DNAH9: variants seen among roughly 807,000 people sequenced by gnomAD.
DNAH9 encodes the protein DNAH9 variant protein.
In DNAH9, 345 loss-of-function variants were observed where a neutral mutation model predicts 471.6. That is an observed-to-expected ratio of 0.73 (90% CI 0.67 to 0.80). DNAH9 has a LOEUF of 0.80. Among genes scored for constraint, DNAH9 ranks in the 30% least tolerant of loss-of-function variants. DNAH9 has a pLI of 0.00. For missense variants in DNAH9, 5,407 were observed against 5,609.2 expected (o/e 0.96, Z 1.15); for synonymous variants, 2,093 against 2,123.6 (o/e 0.99, Z 0.40).
intron 59 of DNAH9, among the ~76,000 whole-genome samples, chr17:11,899,561 T>G (rs553423567): frequency 6.6e-6 from 1 of 152,350 alleles, no homozygotes; most frequent in South Asian, 2.1e-4. Context: ...GATTAAATGT[T>G]GCAATTGTAT....
At chr17:11,653,268 C>G (rs2150704455) in intron 14 of DNAH9, among the ~76,000 whole-genome samples, 1 of 152,302 alleles carries the variant, frequency 6.6e-6, no homozygotes, top group South Asian at 2.1e-4. Flanking sequence ...CACCTACCCC[C>G]AAGGGAACAG....
At chr17:11,931,917 A>G in intron 63 of DNAH9, 97 bp from the exon 64 acceptor site, 1 of 1,390,530 alleles carries the variant, frequency 7.2e-7, no homozygotes, top group Non-Finnish European at 1.0e-6. Context: ...ATATATGGTA[A>G]TGTTTTCCAA....
chr17:11,838,222 A>G (rs956374225), intron 49 of DNAH9, among the ~76,000 whole-genome samples: 5 of 152,200 alleles, frequency 3.3e-5, no homozygotes, highest in Non-Finnish European at 2.9e-5. Flanking sequence ...AAGTAGCAGC[A>G]TAAGCATGTT....
Position 11,625,397 on chromosome 17 carries a change from G to C in DNAH9, c.1351-4020G>C, listed in dbSNP as rs146393244. Among the ~76,000 whole-genome samples the C allele has an allele frequency of 4.7e-3, 712 of 152,248 alleles. 8 individuals carry two copies. The highest frequency in any genetic ancestry group is 0.016 in the African/African-American group (668 of 41,538). On this transcript the variant is annotated intron_variant, in intron 6 of 68. Coordinates refer to ENST00000262442, the MANE Select transcript of DNAH9 (RefSeq NM_001372.4). ...CTGCAGCCTCCTTTCATTCTGAGCC[G>C]AATTGGGTATCTTCCCTTTTAGCCC...
chr17:11,942,965 G>A (rs560099329), intron 67 of DNAH9, among the ~76,000 whole-genome samples: 4 of 145,014 alleles, frequency 2.8e-5, no homozygotes, highest in African/African-American at 7.7e-5. Context: ...GTGTGATCTC[G>A]GCTCACTGCA....
intron 16 of DNAH9, 33 bp from the exon 17 acceptor site, chr17:11,669,337 T>G: frequency 6.2e-7 from 1 of 1,600,704 alleles, no homozygotes; most frequent in Non-Finnish European, 8.5e-7. Flanking sequence ...CACACACTGG[T>G]GTAACCTGCC....
chr17:11,683,167 TTTTTGTTTTG>T (rs909672808), intron 19 of DNAH9, among the ~76,000 whole-genome samples: 2 of 152,098 alleles, frequency 1.3e-5, no homozygotes, highest in Non-Finnish European at 2.9e-5. Flanking sequence ...AGTCTCTCTC[TTTTTGTTTTG>T]TTTTGTTTTG....
chr17:11,854,459 A>C (rs749831016), intron 50 of DNAH9, 31 bp downstream of exon 50: 28 of 1,582,446 alleles, frequency 1.8e-5, no homozygotes, highest in Non-Finnish European at 2.3e-5. Flanking sequence ...TCACCCTGCT[A>C]GTCCGCCTCC....
chr17:11,853,318 C>T (rs1402743592), intron 49 of DNAH9: 1 of 152,330 alleles, frequency 6.6e-6, no homozygotes, highest in African/African-American at 2.4e-5. Context: ...ATTTTATGTA[C>T]AGAGTAGCGA....
At chr17:11,664,058 C>G (rs2073823300) in intron 14 of DNAH9, among the ~76,000 whole-genome samples, 1 of 152,096 alleles carries the variant, frequency 6.6e-6, no homozygotes, top group Non-Finnish European at 1.5e-5. Context: ...CAAGTTAGTT[C>G]CTGATTTTTC....
intron 38 of DNAH9, among the ~76,000 whole-genome samples, chr17:11,777,332 T>C (rs973758827): frequency 2.0e-5 from 3 of 152,242 alleles, no homozygotes; most frequent in Admixed American, 2.0e-4. Context: ...TTCTGTATTG[T>C]TTAGCAATCC....
At position 11,781,300 on chromosome 17, in the gene DNAH9, T is replaced by C. The variant is rs374933233; in HGVS notation, c.7718+126T>C. On this transcript the variant is annotated intron_variant, in intron 39 of 68. Coordinates refer to ENST00000262442, the MANE Select transcript of DNAH9 (RefSeq NM_001372.4). ...CTCTGGTGCCAGATGGGAATCTTTG[T>C]GGTAAACCACATTTCTCATTCAATT... The C allele has an allele frequency of 1.3e-4, 137 of 1,022,086 alleles. 1 individual carries two copies. Among genetic ancestry groups the C allele is most frequent in the Non-Finnish European group, 1.8e-4 (133 of 731,434 alleles). 63.3% of individuals were successfully genotyped at this position (1,022,086 alleles called of 1,614,324 possible).
intron 32 of DNAH9, among the ~76,000 whole-genome samples, chr17:11,748,596 A>G (rs536168513): frequency 1.3e-5 from 2 of 152,272 alleles, no homozygotes; most frequent in South Asian, 4.2e-4. Flanking sequence ...ATGATTATCC[A>G]TTCAATCTCA....
Position 11,692,866 on chromosome 17 carries a change from A to G in DNAH9, c.4615-1002A>G, listed in dbSNP as rs114937342. 2.5e-3 allele frequency among the ~76,000 whole-genome samples: 383 copies of G among 152,226 alleles called. 1 individual carries two copies. The highest frequency in any genetic ancestry group is 9.1e-3 in the African/African-American group (376 of 41,526). Reference sequence around the variant, plus strand: ...TTTTTGGTTTTGGAAAATATACTTAAGTATTTTATTTATGCTGACATAATG... The same window carrying G: ...TTTTTGGTTTTGGAAAATATACTTAGGTATTTTATTTATGCTGACATAATG... On this transcript the variant is annotated intron_variant, in intron 20 of 68. Coordinates refer to ENST00000262442, the MANE Select transcript of DNAH9 (RefSeq NM_001372.4).
At chr17:11,788,805 A>G (rs959381789) in intron 41 of DNAH9, among the ~76,000 whole-genome samples, 2 of 152,128 alleles carry the variant, frequency 1.3e-5, no homozygotes, top group Admixed American at 1.3e-4. Context: ...TAGCATTTTG[A>G]CACAGTCGTG....
Position 11,608,242 on chromosome 17 carries a change from T to G in DNAH9, c.531T>G (p.Leu177=). The change falls in exon 2 of 69, where the codon CTT becomes CTG. Residue 177 remains leucine, a synonymous_variant. Coordinates refer to ENST00000262442, the MANE Select transcript of DNAH9 (RefSeq NM_001372.4). ...TCCAATGTGACCTCTCAGTTATACT[T>G]GAGCAAGTGAAGGGAAAAACTTTGC... is the stretch of plus-strand genomic sequence containing the variant. The part of the protein sequence containing the change: ...HSLQCDLSVI[L]EQVKGKTLLP... 2 of 1,614,040 alleles carry G rather than the reference T, an allele frequency of 1.2e-6. No individual in the cohort carries two copies. Among genetic ancestry groups the G allele is most frequent in the Non-Finnish European group, 1.7e-6 (2 of 1,179,924 alleles).
At chr17:11,647,392 C>G (rs2073415628) in intron 12 of DNAH9, among the ~76,000 whole-genome samples, 194 bp downstream of exon 12, 1 of 152,182 alleles carries the variant, frequency 6.6e-6, no homozygotes, top group African/African-American at 2.4e-5. Context: ...CCTACCTCAG[C>G]CTCCCAGCAC....
At chr17:11,609,760 G>A (rs2072590569) in intron 2 of DNAH9, among the ~76,000 whole-genome samples, 1 of 152,142 alleles carries the variant, frequency 6.6e-6, no homozygotes. Flanking sequence ...GTTGTATGAG[G>A]GGAAAAGTTT....
At chr17:11,868,267 G>T (rs1037319671) in intron 50 of DNAH9, among the ~76,000 whole-genome samples, 11 of 152,248 alleles carry the variant, frequency 7.2e-5, no homozygotes, top group Admixed American at 2.6e-4. Flanking sequence ...TTTTTAAACT[G>T]CTTGGATGTT....
Sources: gnomAD v4.1 joint callset for allele counts (sites outside exome capture counted in the v4.1 genomes callset) on GRCh38, gnomAD v4.1.1 for gene constraint, MANE v1.5 for transcripts, NCBI Gene and HGNC (gene_info 2026-07-23, HGNC 2026-07-21) for gene names.